CDC42: variants seen among roughly 807,000 people sequenced by gnomAD.
CDC42 encodes cell division control protein 42 homolog.
CDC42 carries 1 observed loss-of-function variant against 20.8 expected under a neutral mutation model. That is an observed-to-expected ratio of 0.05 (90% CI 0.02 to 0.23). The LOEUF is 0.23. Among genes scored for constraint, CDC42 ranks in the 10% least tolerant of loss-of-function variants. The pLI is 1.00. For synonymous variants in CDC42, 72 were observed against 84.8 expected (o/e 0.85, Z 0.83); for missense variants, 49 against 227.9 (o/e 0.21, Z 5.05).
In CDC42 at chr1:22,090,048, C is replaced by T. The variant is rs1389426638; in HGVS notation, c.487-1380C>T. On this transcript the variant is annotated intron_variant, in intron 5 of 5. Transcript: ENST00000656825. ...TATATTCTAAACTGTTTTCTCCTTC[C>T]CTTCTTTGCTGCTGCTTCCTGTCCC... 5 of 1,612,840 alleles carry T rather than the reference C, an allele frequency of 3.1e-6. No homozygotes were observed. In the African/African-American group the frequency reaches 6.7e-5, roughly 22 times the overall value.
chr1:22,067,091 A>G (rs1009340449), intron 1 of CDC42, among the ~76,000 whole-genome samples: 6 of 152,152 alleles, frequency 3.9e-5, no homozygotes. Context: ...TAGCTAGAGC[A>G]TGGAGAGTAC....
In CDC42 at chr1:22,082,875, A is replaced by ATTT. The variant is rs3036839; in HGVS notation, c.178+1084_178+1086dup. 1.6e-3 allele frequency among the ~76,000 whole-genome samples: 224 copies of ATTT among 140,168 alleles called. 10 individuals are homozygous for ATTT. Among genetic ancestry groups the ATTT allele is most frequent in the South Asian group, 2.2e-3 (10 of 4,532 alleles). 92.0% of individuals were successfully genotyped at this position (140,168 alleles called of 152,430 possible). On this transcript the variant is annotated intron_variant, in intron 3 of 5. Coordinates refer to ENST00000656825, the MANE Select transcript of CDC42 (RefSeq NM_001791.4). Reference sequence around the variant, plus strand: ...ATTTGTGTCCAAAGGCACAGAGAAAATTTTTATTTTTTTTTTTTGTTGAGA... The same window carrying ATTT: ...ATTTGTGTCCAAAGGCACAGAGAAAATTTTTTTTATTTTTTTTTTTTGTTGAGA...
rs142103498 is a variant in CDC42 at position 22,072,128 on chromosome 1, C to T, written c.-50-6301C>T. Among the ~76,000 whole-genome samples, 1,126 of 127,520 alleles carry T rather than the reference C, an allele frequency of 8.8e-3. 17 individuals are homozygous for T. Among genetic ancestry groups the T allele is most frequent in the African/African-American group, 0.032 (1,055 of 33,372 alleles). The allele number at this position is 127,520 out of a possible 152,430, so 83.7% of individuals were successfully genotyped here. ...TTTTTTTTTTTTTGGGATGGAGTCT[C>T]GCTCTGTTGCCCAGGCTGGAGTACA... On this transcript the variant is annotated intron_variant, in intron 1 of 5. Coordinates refer to ENST00000656825, the MANE Select transcript of CDC42 (RefSeq NM_001791.4).
chr1:22,086,655 A>C lies in CDC42; in HGVS notation c.289-14A>C. 1 of 1,613,234 alleles carries C rather than the reference A, an allele frequency of 6.2e-7. No individual in the cohort carries two copies. The highest frequency in any genetic ancestry group is 8.5e-7 in the Non-Finnish European group (1 of 1,179,336). On this transcript the variant is annotated splice_polypyrimidine_tract_variant and intron_variant, in intron 4 of 5. Transcript: ENST00000656825. ...TTGATTAACAAAGGTGTATTTTAAA[A>C]TACCTTTTTTTAGTGGGTGCCTGAG...
rs1645767292 is a variant in CDC42, at chr1:22,097,827, G to C, written c.*6310G>C. 6.6e-6 allele frequency among the ~76,000 whole-genome samples: 1 copy of C among 152,208 alleles called. No homozygotes were observed. The highest frequency in any genetic ancestry group is 6.5e-5 in the Admixed American group (1 of 15,280). On this transcript the variant is annotated 3_prime_UTR_variant, in exon 6 of 6. Transcript: ENST00000656825. ...TTTAAAAGCACATTGCTGATTAGTG[G>C]GGTCAGGATGGGAGGAGAGCCCTGA...
chr1:22,078,057 T>C (rs538586136), intron 1 of CDC42, among the ~76,000 whole-genome samples: 4 of 152,316 alleles, frequency 2.6e-5, no homozygotes, highest in African/African-American at 4.8e-5. Context: ...CATACATGCA[T>C]ACATACAGGT....
At chr1:22,065,851 C>T (rs996733909) in intron 1 of CDC42, among the ~76,000 whole-genome samples, 9 of 152,010 alleles carry the variant, frequency 5.9e-5, no homozygotes, top group African/African-American at 1.4e-4. Flanking sequence ...AACCTCCTCC[C>T]GGGTTCAAGC....
At position 22,072,814 on chromosome 1, in the gene CDC42, T is replaced by C. The variant is rs188087428; in HGVS notation, c.-50-5615T>C. Reference sequence around the variant, plus strand: ...TTTTTAGGAGCTCTCTGCTAGGAAGTGGGGACGGAAACCAAATATTGCCAA... The same window carrying C: ...TTTTTAGGAGCTCTCTGCTAGGAAGCGGGGACGGAAACCAAATATTGCCAA... On this transcript the variant is annotated intron_variant, in intron 1 of 5. Coordinates refer to ENST00000656825, the MANE Select transcript of CDC42 (RefSeq NM_001791.4). Among the ~76,000 whole-genome samples the C allele has an allele frequency of 2.6e-5, 4 of 152,258 alleles. No homozygotes were observed. In the East Asian group the frequency reaches 7.7e-4, roughly 29 times the overall value.
chr1:22,079,116 C>A (rs1318987332), intron 2 of CDC42, among the ~76,000 whole-genome samples: 1 of 147,026 alleles, frequency 6.8e-6, no homozygotes. Flanking sequence ...GGGTCACTCC[C>A]ACAACTGTTC....
chr1:22,090,654 C>T, intron 5 of CDC42: 1 of 985,356 alleles, frequency 1.0e-6, no homozygotes, highest in Non-Finnish European at 1.2e-6. Flanking sequence ...TTAAGAATAA[C>T]ATCCATTTAA....
Position 22,094,514 on chromosome 1 carries a change from G to T in CDC42, c.*2997G>T, listed in dbSNP as rs1185931476. Among the ~76,000 whole-genome samples the T allele has an allele frequency of 6.7e-6, 1 of 149,912 alleles. No homozygotes were observed. Among genetic ancestry groups the T allele is most frequent in the Non-Finnish European group, 1.5e-5 (1 of 67,692 alleles). On this transcript the variant is annotated 3_prime_UTR_variant, in exon 6 of 6. Coordinates refer to ENST00000656825, the MANE Select transcript of CDC42 (RefSeq NM_001791.4). Reference sequence around the variant, plus strand: ...GGGTTTCACCGTGTTAGCCAGAATGGTCTCGATCTCCTGACCTCGTGATCC... The same window carrying T: ...GGGTTTCACCGTGTTAGCCAGAATGTTCTCGATCTCCTGACCTCGTGATCC...
chr1:22,069,000 GGC>G (rs1235921726), intron 1 of CDC42, among the ~76,000 whole-genome samples: 30 of 152,074 alleles, frequency 2.0e-4, no homozygotes, highest in Admixed American at 1.4e-3. Context: ...GCTCCAAGAG[GGC>G]GTGAACTTTG....
intron 3 of CDC42, among the ~76,000 whole-genome samples, chr1:22,084,582 C>A (rs1042350210): frequency 2.0e-5 from 3 of 151,766 alleles, no homozygotes; most frequent in Admixed American, 2.0e-4. Context: ...TTATCACATA[C>A]ACGATTTGCA....
At chr1:22,058,199 A>T (rs935611517) in intron 1 of CDC42, among the ~76,000 whole-genome samples, 4 of 152,104 alleles carry the variant, frequency 2.6e-5, no homozygotes, top group African/African-American at 9.7e-5. Context: ...TTTTAATAAG[A>T]TCCCCACATG....
chr1:22,084,858 T>A (rs2473314), intron 3 of CDC42, among the ~76,000 whole-genome samples: 4 of 152,044 alleles, frequency 2.6e-5, no homozygotes, highest in Non-Finnish European at 4.4e-5. Flanking sequence ...TGTCTTTTGC[T>A]TGTGAATATG....
intron 1 of CDC42, among the ~76,000 whole-genome samples, chr1:22,056,493 CCGCTTGTTCACTA>C (rs1645306024): frequency 6.6e-6 from 1 of 152,218 alleles, no homozygotes; most frequent in African/African-American, 2.4e-5. Flanking sequence ...ATAACTTTTA[CCGCTTGTTCACTA>C]CTGTATCAGA....
At chr1:22,068,692 CT>C (rs1295733232) in intron 1 of CDC42, 1 of 152,454 alleles carries the variant, frequency 6.6e-6, no homozygotes, top group Non-Finnish European at 1.5e-5. Flanking sequence ...TCTGGCAAAT[CT>C]GAGTACCAGT....
chr1:22,096,675 A>G lies in CDC42; in HGVS notation c.*5158A>G, dbSNP rs1645760488. Reference sequence around the variant, plus strand: ...ATTCTGTGTGCCTGTGCCGCGGTGCAGGTGGTCAGTTGGAACCCCTGATGG... The same window carrying G: ...ATTCTGTGTGCCTGTGCCGCGGTGCGGGTGGTCAGTTGGAACCCCTGATGG... On this transcript the variant is annotated 3_prime_UTR_variant, in exon 6 of 6. Transcript: ENST00000656825. 6.6e-6 allele frequency among the ~76,000 whole-genome samples: 1 copy of G among 152,244 alleles called. No individual in the cohort carries two copies. Among genetic ancestry groups the G allele is most frequent in the African/African-American group, 2.4e-5 (1 of 41,458 alleles).
chr1:22,100,011 T>TTTC lies in CDC42; in HGVS notation c.*8512_*8514dup, dbSNP rs200922196. On this transcript the variant is annotated 3_prime_UTR_variant, in exon 6 of 6. Transcript: ENST00000656825. ...AGTCTGCTCAGCTGGCCTTTTTTTC[T>TTTC]TTCTTCTTCTTCTTCTTCTTTTTTT... Among the ~76,000 whole-genome samples the TTTC allele has an allele frequency of 1.0e-5, 1 of 100,312 alleles. No individual in the cohort carries two copies. The highest frequency in any genetic ancestry group is 1.9e-5 in the Non-Finnish European group (1 of 51,404). 65.8% of individuals were successfully genotyped at this position (100,312 alleles called of 152,430 possible).
Sources: gnomAD v4.1 joint callset for allele counts (sites outside exome capture counted in the v4.1 genomes callset) on GRCh38, gnomAD v4.1.1 for gene constraint, MANE v1.5 for transcripts, NCBI Gene and HGNC (gene_info 2026-07-23, HGNC 2026-07-21) for gene names.